The following OPRD1 variants were observed in gnomAD, a reference collection of about 807,000 sequenced individuals.
OPRD1 encodes opioid receptor delta 1.
OPRD1 carries 19 observed loss-of-function variants against 17.5 expected under a neutral mutation model. The ratio of observed to expected loss-of-function variants is 1.09; its 90% confidence interval spans 0.76 to 1.60. The LOEUF (loss-of-function observed/expected upper bound fraction) is 1.60, where lower values mean the gene tolerates loss of function less well. OPRD1 is among the 40% of genes most tolerant of loss of function. OPRD1 has a pLI of 0.00. For missense variants in OPRD1, 483 were observed against 547.2 expected (o/e 0.88, Z 1.17); for synonymous variants, 256 against 240.9 (o/e 1.06, Z -0.58).
intron 1 of OPRD1, among the ~76,000 whole-genome samples, chr1:28,820,256 G>A (rs1037202097): frequency 1.4e-5 from 2 of 146,752 alleles, no homozygotes; most frequent in Non-Finnish European, 3.0e-5. Context: ...GTGCAGTGAC[G>A]CAATCTTGGC....
chr1:28,836,124 C>G (rs1360746847), intron 1 of OPRD1, among the ~76,000 whole-genome samples: 3 of 152,180 alleles, frequency 2.0e-5, no homozygotes, highest in Admixed American at 1.3e-4. Flanking sequence ...ACAGACATTG[C>G]TTCTGTGTTT....
chr1:28,867,642 C>T lies in OPRD1; in HGVS notation c.*4359C>T, dbSNP rs2089186955. The T allele has an allele frequency of 6.6e-6, 1 of 152,346 alleles. No homozygotes were observed. Among genetic ancestry groups the T allele is most frequent in the Non-Finnish European group, 1.5e-5 (1 of 68,208 alleles). 9.4% of individuals were successfully genotyped at this position (152,346 alleles called of 1,614,324 possible). A position where few individuals can be genotyped will look rare whatever the true frequency, so the allele number is the denominator to read the frequency against. On this transcript the variant is annotated 3_prime_UTR_variant, in exon 3 of 3. Coordinates refer to ENST00000234961, the MANE Select transcript of OPRD1 (RefSeq NM_000911.4). ...CAGGTGTGAGCCACTGTGCCCAGCT[C>T]TCATACCTCGTCTTGATGCAGTAGA...
intron 1 of OPRD1, among the ~76,000 whole-genome samples, chr1:28,854,949 T>C (rs1474476056): frequency 1.3e-5 from 2 of 152,170 alleles, no homozygotes; most frequent in Admixed American, 1.3e-4. Flanking sequence ...TGCGCCTGGC[T>C]GAGAGCCTGC....
chr1:28,862,177 A>G (rs1407090188), intron 2 of OPRD1, among the ~76,000 whole-genome samples: 3 of 151,902 alleles, frequency 2.0e-5, no homozygotes, highest in African/African-American at 7.3e-5. Flanking sequence ...TCGGCCTCCC[A>G]AAGTGCTGGG....
At chr1:28,840,385 C>T (rs2124274677) in intron 1 of OPRD1, among the ~76,000 whole-genome samples, 1 of 152,202 alleles carries the variant, frequency 6.6e-6, no homozygotes, top group South Asian at 2.1e-4. Context: ...TCCCGAGTAG[C>T]TGGGATTACA....
chr1:28,858,931 T>TTACA, intron 1 of OPRD1, 23 bp from the exon 2 acceptor site: 1 of 1,583,616 alleles, frequency 6.3e-7, no homozygotes, highest in African/African-American at 1.3e-5. Context: ...ATGGGATTAA[T>TTACA]TACACATGCA....
intron 1 of OPRD1, among the ~76,000 whole-genome samples, chr1:28,849,395 A>G (rs1163412015): frequency 3.3e-5 from 5 of 152,170 alleles, no homozygotes; most frequent in Non-Finnish European, 7.3e-5. Flanking sequence ...ACCTACGGAA[A>G]TTGATATTTA....
At chr1:28,813,916 CA>C (rs2088652558) in intron 1 of OPRD1, among the ~76,000 whole-genome samples, 1 of 152,188 alleles carries the variant, frequency 6.6e-6, no homozygotes, top group African/African-American at 2.4e-5. Flanking sequence ...CTAATCTCCT[CA>C]ATTGGAAAGT....
In OPRD1 at chr1:28,862,908, C is replaced by T. The variant is rs760978404; in HGVS notation, c.744C>T (p.Gly248=). ...TGCGCAGTGTGCGCCTGCTGTCGGG[C>T]TCCAAGGAGAAGGACCGCAGCCTGC... is the stretch of plus-strand genomic sequence containing the variant. The part of the protein sequence containing the change: ...LRLRSVRLLS[G]SKEKDRSLRR... Residue 248 remains glycine (G), a synonymous_variant, in exon 3 of 3, where the codon GGC becomes GGT. Coordinates refer to ENST00000234961, the MANE Select transcript of OPRD1 (RefSeq NM_000911.4). 1.1e-5 allele frequency: 17 copies of T among 1,612,608 alleles called. No homozygotes were observed. Among genetic ancestry groups the T allele is most frequent in the Non-Finnish European group, 1.4e-5 (17 of 1,179,978 alleles).
chr1:28,851,522 C>T (rs953283243), intron 1 of OPRD1, among the ~76,000 whole-genome samples: 2 of 152,170 alleles, frequency 1.3e-5, no homozygotes, highest in Admixed American at 1.3e-4. Flanking sequence ...GGTGCTCTAG[C>T]CGAGGAGGAC....
intron 1 of OPRD1, among the ~76,000 whole-genome samples, chr1:28,814,674 G>A (rs1432177212): frequency 6.6e-6 from 1 of 152,184 alleles, no homozygotes; most frequent in East Asian, 1.9e-4. Flanking sequence ...AAGGGGAGGG[G>A]ACTCCCACTG....
chr1:28,816,664 C>A (rs1464525801), intron 1 of OPRD1, among the ~76,000 whole-genome samples: 1 of 152,076 alleles, frequency 6.6e-6, no homozygotes, highest in African/African-American at 2.4e-5. Flanking sequence ...GACAGGTGGT[C>A]CCAAGGCAGA....
intron 1 of OPRD1, among the ~76,000 whole-genome samples, chr1:28,828,709 G>C (rs1406324345): frequency 1.1e-5 from 1 of 91,234 alleles, no homozygotes; most frequent in African/African-American, 3.3e-5. Context: ...AAAAAAAAAA[G>C]CCAGGCGCAG....
At chr1:28,838,471 G>A (rs1348641968) in intron 1 of OPRD1, among the ~76,000 whole-genome samples, 1 of 152,136 alleles carries the variant, frequency 6.6e-6, no homozygotes, top group Non-Finnish European at 1.5e-5. Flanking sequence ...AAGTGAGAGA[G>A]GAGGTTTGAA....
intron 1 of OPRD1, among the ~76,000 whole-genome samples, chr1:28,827,627 C>A (rs2088777350): frequency 6.6e-6 from 1 of 152,252 alleles, no homozygotes; most frequent in South Asian, 2.1e-4. Context: ...CTTGCTATTT[C>A]TACTACATCT....
intron 1 of OPRD1, among the ~76,000 whole-genome samples, chr1:28,846,454 G>A (rs1031309772): frequency 2.2e-4 from 34 of 151,904 alleles, no homozygotes; most frequent in African/African-American, 5.6e-4. Flanking sequence ...GAGCAAACTC[G>A]GGCAGATCAC....
chr1:28,849,293 G>C (rs1034396212), intron 1 of OPRD1, among the ~76,000 whole-genome samples: 1 of 152,084 alleles, frequency 6.6e-6, no homozygotes, highest in African/African-American at 2.4e-5. Flanking sequence ...CCTTTCTCCA[G>C]CTCTGCCAAC....
At chr1:28,846,886 CTTTCTTTT>C (rs1174151343) in intron 1 of OPRD1, among the ~76,000 whole-genome samples, 3 of 55,412 alleles carry the variant, frequency 5.4e-5, no homozygotes, top group African/African-American at 1.2e-4. Context: ...TTCTTTCTTT[CTTTCTTTT>C]CTCTTTCTTT....
In OPRD1 at chr1:28,867,231, G is replaced by A. The variant is rs973140001; in HGVS notation, c.*3948G>A. 1.3e-5 allele frequency: 2 copies of A among 150,734 alleles called. No homozygotes were observed. The highest frequency in any genetic ancestry group is 2.1e-4 in the South Asian group (1 of 4,774). 9.3% of individuals were successfully genotyped at this position (150,734 alleles called of 1,614,324 possible). A position where few individuals can be genotyped will look rare whatever the true frequency, so the allele number is the denominator to read the frequency against. On this transcript the variant is annotated 3_prime_UTR_variant, in exon 3 of 3. Coordinates refer to ENST00000234961, the MANE Select transcript of OPRD1 (RefSeq NM_000911.4). ...TGGGTTTTTTTTTTTCTGAGACAGG[G>A]TCTCCCTCTGTCGCATAGGCTGGAG...
Sources: allele counts gnomAD v4.1 joint callset (sites outside exome capture counted in the v4.1 genomes callset), GRCh38; gene constraint gnomAD v4.1.1; transcripts MANE v1.5; gene names NCBI Gene and HGNC (gene_info 2026-07-23, HGNC 2026-07-21).